Variants in MAPK10 observed in about 807,000 individuals in gnomAD.
MAPK10 encodes JNK3 alpha protein kinase.
Under a neutral mutation model 59.3 loss-of-function variants are expected in MAPK10, and 25 were observed. The observed-to-expected ratio is 0.42, with a 90% CI of 0.31 to 0.59. The LOEUF is 0.59. MAPK10 is among the 20% of genes least tolerant of loss of function. The pLI, the probability that MAPK10 is intolerant of heterozygous loss-of-function variation, is 0.15. For missense variants in MAPK10, 351 were observed against 568.9 expected (o/e 0.62, Z 3.90); for synonymous variants, 190 against 200.5 (o/e 0.95, Z 0.44).
chr4:86,222,256 C>T (rs1022309991), intron 2 of MAPK10, among the ~76,000 whole-genome samples: 4 of 152,158 alleles, frequency 2.6e-5, no homozygotes, highest in African/African-American at 9.7e-5. Context: ...TACATATATT[C>T]TTCATTTATA....
intron 13 of MAPK10, chr4:86,028,784 T>C (rs1271177991): frequency 4.7e-6 from 1 of 213,236 alleles, no homozygotes; most frequent in Non-Finnish European, 9.6e-6. Flanking sequence ...TCAACTATTG[T>C]CACATCAACC....
At chr4:86,052,187 T>G (rs1027128468) in intron 11 of MAPK10, among the ~76,000 whole-genome samples, 3 of 152,192 alleles carry the variant, frequency 2.0e-5, no homozygotes, top group African/African-American at 7.2e-5. Flanking sequence ...AAAGTAGGAC[T>G]TTTACAGATG....
intron 4 of MAPK10, among the ~76,000 whole-genome samples, chr4:86,118,555 T>A (rs1039747259): frequency 7.1e-6 from 1 of 140,242 alleles, no homozygotes; most frequent in African/African-American, 2.7e-5. Context: ...TTTACCTCCT[T>A]GTATGTATTT....
chr4:86,318,363 A>T (rs1277744546), intron 2 of MAPK10, among the ~76,000 whole-genome samples: 1 of 152,104 alleles, frequency 6.6e-6, no homozygotes, highest in Non-Finnish European at 1.5e-5. Flanking sequence ...ATTTGGAGAA[A>T]CCCACTCATA....
chr4:86,290,727 G>A (rs1311011622), intron 2 of MAPK10, among the ~76,000 whole-genome samples: 2 of 152,096 alleles, frequency 1.3e-5, no homozygotes, highest in Non-Finnish European at 2.9e-5. Flanking sequence ...ATGAATTGAT[G>A]AATAAATGAA....
At chr4:86,592,608 C>T (rs1349113680) in intron 1 of MAPK10, among the ~76,000 whole-genome samples, 2 of 152,214 alleles carry the variant, frequency 1.3e-5, no homozygotes, top group African/African-American at 4.8e-5. Flanking sequence ...TCCTACCTCC[C>T]TGATAGATGA....
At chr4:86,422,681 T>C (rs1015205820) in intron 1 of MAPK10, among the ~76,000 whole-genome samples, 6 of 152,174 alleles carry the variant, frequency 3.9e-5, no homozygotes, top group Admixed American at 3.9e-4. Flanking sequence ...GTAGGATATT[T>C]AACACACTCT....
intron 1 of MAPK10, among the ~76,000 whole-genome samples, chr4:86,372,564 G>GAAAGAAAGAAAGGAAAAGC: frequency 3.8e-5 from 3 of 78,690 alleles, no homozygotes; most frequent in Non-Finnish European, 8.3e-5. Flanking sequence ...AAGAAAGAAA[G>GAAAGAAAGAAAGGAAAAGC]AAAGAAAAGA....
intron 1 of MAPK10, among the ~76,000 whole-genome samples, chr4:86,587,571 C>T (rs952428956): frequency 2.0e-5 from 3 of 152,184 alleles, no homozygotes; most frequent in East Asian, 3.8e-4. Context: ...ACCTGGGCAA[C>T]GTTCCCATCA....
In MAPK10 at chr4:86,399,747, C is replaced by T. The variant is rs546655241; in HGVS notation, c.-121-45103G>A. ...AAACCTCTGATATTAATATCCTTACCACTGAGGTGGTTCATTAGTGGAACA... is the reference window on the plus strand; with the variant it reads ...AAACCTCTGATATTAATATCCTTACTACTGAGGTGGTTCATTAGTGGAACA... On this transcript the variant is annotated intron_variant, in intron 1 of 13. Transcript: ENST00000361569. The T allele has an allele frequency of 7.9e-5, 12 of 152,272 alleles. No homozygotes were observed. In the East Asian group the frequency reaches 2.3e-3, roughly 29 times the overall value. The allele number at this position is 152,272 out of a possible 1,614,324, so 9.4% of individuals were successfully genotyped here. A position where few individuals can be genotyped will look rare whatever the true frequency, so the allele number is the denominator to read the frequency against.
chr4:86,191,895 T>C (rs1255249104), intron 3 of MAPK10: 4 of 152,106 alleles, frequency 2.6e-5, no homozygotes, highest in African/African-American at 9.7e-5. Context: ...GGATGTTTTT[T>C]CAGTGGCTGG....
At chr4:86,023,812 A>AAT (rs368982706) in intron 13 of MAPK10, 1,882 of 100,268 alleles carry the variant, frequency 0.019, 33 homozygotes, top group South Asian at 0.035. Flanking sequence ...AGATCAAATG[A>AAT]ATATATATAT....
intron 2 of MAPK10, among the ~76,000 whole-genome samples, chr4:86,217,174 C>T (rs572735624): frequency 1.3e-5 from 2 of 152,264 alleles, no homozygotes; most frequent in South Asian, 4.1e-4. Context: ...ACACTTGAAA[C>T]ATCTTAAAAA....
intron 3 of MAPK10, among the ~76,000 whole-genome samples, chr4:86,161,835 T>C (rs944606286): frequency 6.6e-6 from 1 of 152,074 alleles, no homozygotes; most frequent in Non-Finnish European, 1.5e-5. Context: ...CTTAATGTTG[T>C]ATTGTGGCAC....
Position 86,235,751 on chromosome 4 carries a change from G to C in MAPK10, c.-6-41344C>G, listed in dbSNP as rs542670536. Among the ~76,000 whole-genome samples, 6 of 152,296 alleles carry C rather than the reference G, an allele frequency of 3.9e-5. No homozygotes were observed. In the South Asian group the frequency reaches 1.0e-3, roughly 26 times the overall value. On this transcript the variant is annotated intron_variant, in intron 2 of 13. Coordinates refer to ENST00000641462, the MANE Select transcript of MAPK10 (RefSeq NM_138982.4). Reference sequence around the variant, plus strand: ...GAACAGAAAAGGAGCTGTGGGGACCGGGCGCCTGAGTCAGCTGTGGTGGAG... The same window carrying C: ...GAACAGAAAAGGAGCTGTGGGGACCCGGCGCCTGAGTCAGCTGTGGTGGAG...
intron 9 of MAPK10, among the ~76,000 whole-genome samples, chr4:86,093,840 T>TA (rs1178493759): frequency 6.6e-6 from 1 of 151,914 alleles, no homozygotes. Context: ...ACACTAGTGG[T>TA]AAAAATGTAT....
chr4:86,540,740 A>G (rs1022155099), intron 1 of MAPK10, among the ~76,000 whole-genome samples: 2 of 151,202 alleles, frequency 1.3e-5, no homozygotes, highest in Non-Finnish European at 3.0e-5. Context: ...AAAGAGAAGA[A>G]AGTCAGATGT....
chr4:86,131,548 G>A (rs58772106), intron 4 of MAPK10, among the ~76,000 whole-genome samples: 7,464 of 152,020 alleles, frequency 0.049, 612 homozygotes, highest in African/African-American at 0.17. Context: ...TTTTATCATA[G>A]ACTATAGCTT....
intron 2 of MAPK10, among the ~76,000 whole-genome samples, chr4:86,311,180 A>G (rs958359682): frequency 1.3e-5 from 2 of 152,162 alleles, no homozygotes; most frequent in Non-Finnish European, 2.9e-5. Context: ...AATAGTATAA[A>G]TGTATTAATA....
Sources: gnomAD v4.1 joint callset for allele counts (sites outside exome capture counted in the v4.1 genomes callset) on GRCh38, gnomAD v4.1.1 for gene constraint, MANE v1.5 for transcripts, NCBI Gene and HGNC (gene_info 2026-07-23, HGNC 2026-07-21) for gene names.